DPYS: variants seen among roughly 807,000 people sequenced by gnomAD.
DPYS encodes dihydropyrimidinase.
Under a neutral mutation model 50.3 loss-of-function variants are expected in DPYS, and 39 were observed. That is an observed-to-expected ratio of 0.78 (90% CI 0.60 to 1.01). The LOEUF (loss-of-function observed/expected upper bound fraction) is 1.01. Ranked by LOEUF, DPYS falls within the 50% of genes least tolerant of loss-of-function variation. The pLI, the probability that DPYS is intolerant of heterozygous loss-of-function variation, is 0.00. For missense variants in DPYS, 659 were observed against 680.9 expected (o/e 0.97, Z 0.36); for synonymous variants, 245 against 250.7 (o/e 0.98, Z 0.22).
At chr8:104,420,021 T>G (rs1812492121) in intron 7 of DPYS, 1 of 149,812 alleles carries the variant, frequency 6.7e-6, no homozygotes, top group Non-Finnish European at 1.5e-5. Context: ...TCTAAAATAT[T>G]CTAAAATAAA....
intron 8 of DPYS, among the ~76,000 whole-genome samples, chr8:104,384,987 C>T (rs1811166958): frequency 6.6e-6 from 1 of 152,164 alleles, no homozygotes. Flanking sequence ...CTATCTTAAG[C>T]CCCCTTTCTT....
chr8:104,397,681 C>G (rs1259078687), intron 7 of DPYS, among the ~76,000 whole-genome samples: 1 of 151,968 alleles, frequency 6.6e-6, no homozygotes, highest in Non-Finnish European at 1.5e-5. Context: ...TTAATATTAC[C>G]AACTGTAATA....
chr8:104,398,734 T>C (rs1162494836), intron 7 of DPYS, among the ~76,000 whole-genome samples: 4 of 152,188 alleles, frequency 2.6e-5, no homozygotes, highest in African/African-American at 9.6e-5. Flanking sequence ...GCACAGTATC[T>C]TAACACCCAT....
chr8:104,422,159 G>C (rs1812571057), intron 7 of DPYS, among the ~76,000 whole-genome samples: 2 of 152,272 alleles, frequency 1.3e-5, no homozygotes, highest in South Asian at 4.1e-4. Flanking sequence ...GGATTCAAAA[G>C]AAGAAGCACA....
intron 8 of DPYS, among the ~76,000 whole-genome samples, chr8:104,389,412 C>A (rs1811316585): frequency 6.6e-6 from 1 of 152,190 alleles, no homozygotes; most frequent in Non-Finnish European, 1.5e-5. Context: ...CCATAGGGAA[C>A]CATCTCCAGA....
rs369027766 is a variant in DPYS, at chr8:104,447,401, A to G, written c.526T>C (p.Tyr176His). ...TCCTTGCACCGAGAGAAGGCTTCGT[A>G]CAGCTCCAGGTCTGTCACCATGTAC... Reference protein sequence around the residue: ...DLYMVTDLELYEAFSRCKEIG... With the variant: ...DLYMVTDLELHEAFSRCKEIG... The change falls in exon 3 of 10, where the codon TAC becomes CAC. Residue 176 changes from tyrosine (Y) to histidine (H), a missense_variant. By Grantham distance (83) the Tyr-to-His change is moderately conservative (BLOSUM62 2). Coordinates refer to ENST00000351513, the MANE Select transcript of DPYS (RefSeq NM_001385.3). 1 of 1,614,144 alleles carries G rather than the reference A, an allele frequency of 6.2e-7. No homozygotes were observed. Among genetic ancestry groups the G allele is most frequent in the Non-Finnish European group, 8.5e-7 (1 of 1,180,022 alleles).
At chr8:104,383,705 G>A (rs542073236) in intron 8 of DPYS, among the ~76,000 whole-genome samples, 6 of 151,530 alleles carry the variant, frequency 4.0e-5, no homozygotes, top group African/African-American at 1.5e-4. Context: ...ATGTGCACAC[G>A]ATTCTCATAT....
chr8:104,383,088 A>C (rs1206914929), intron 8 of DPYS, among the ~76,000 whole-genome samples: 2 of 152,166 alleles, frequency 1.3e-5, no homozygotes, highest in Non-Finnish European at 2.9e-5. Flanking sequence ...CTCACTCAGA[A>C]CAGGGCTTGC....
chr8:104,427,282 ATTT>A (rs577311570), intron 6 of DPYS, among the ~76,000 whole-genome samples: 2 of 142,042 alleles, frequency 1.4e-5, no homozygotes, highest in African/African-American at 2.6e-5. Flanking sequence ...CGCTTCGTGT[ATTT>A]TTTTTTTTTT....
intron 4 of DPYS, among the ~76,000 whole-genome samples, chr8:104,440,765 A>G (rs1458226265): frequency 6.6e-6 from 1 of 152,122 alleles, no homozygotes; most frequent in Non-Finnish European, 1.5e-5. Flanking sequence ...TCTCAAAAAA[A>G]AAACATAAAA....
intron 7 of DPYS, among the ~76,000 whole-genome samples, chr8:104,411,155 C>T (rs759082781): frequency 1.3e-5 from 2 of 152,208 alleles, no homozygotes; most frequent in Non-Finnish European, 2.9e-5. Context: ...CAAAATGCAA[C>T]CTCTCTGATG....
Position 104,392,906 on chromosome 8 carries a change from T to A in DPYS, c.1321A>T (p.Ile441Phe). 6.2e-7 allele frequency: 1 copy of A among 1,614,210 alleles called. No homozygotes were observed. Among genetic ancestry groups the A allele is most frequent in the South Asian group, 1.1e-5 (1 of 91,086 alleles). ...TCATATACCACTTTGCCTCTTGAAA[T>A]AGTCACAAGGGGCACCCCGTGGCAA... ...MVCHGVPLVT[I>F]SRGKVVYEAG... Residue 441 changes from isoleucine (I) to phenylalanine (F), a missense_variant, in exon 8 of 10, where the codon ATT (isoleucine) becomes TTT (phenylalanine). Coordinates refer to ENST00000351513, the MANE Select transcript of DPYS (RefSeq NM_001385.3).
chr8:104,447,989 A>C (rs992738671), intron 2 of DPYS, among the ~76,000 whole-genome samples: 2 of 152,132 alleles, frequency 1.3e-5, no homozygotes, highest in African/African-American at 4.8e-5. Context: ...AGAAAGCACA[A>C]ACTCATGGTT....
chr8:104,411,188 A>T (rs527763734), intron 7 of DPYS, among the ~76,000 whole-genome samples: 7 of 152,296 alleles, frequency 4.6e-5, no homozygotes, highest in Admixed American at 1.3e-4. Context: ...CCTTATATTT[A>T]TGTCTCCCTC....
intron 7 of DPYS, chr8:104,424,038 A>G (rs1348725910): frequency 1.0e-6 from 1 of 985,262 alleles, no homozygotes; most frequent in African/African-American, 1.7e-5. Flanking sequence ...CAGAGAATGC[A>G]ACACAACTTC....
intron 6 of DPYS, 136 bp downstream of exon 6, chr8:104,427,844 T>A: frequency 8.0e-7 from 1 of 1,255,056 alleles, no homozygotes; most frequent in East Asian, 2.3e-5. Flanking sequence ...GGTGATAGTA[T>A]TGCATTCCTA....
chr8:104,423,223 G>C (rs1430901188), intron 7 of DPYS, among the ~76,000 whole-genome samples: 2 of 152,084 alleles, frequency 1.3e-5, no homozygotes, highest in Non-Finnish European at 2.9e-5. Flanking sequence ...TTAACTGAAG[G>C]CTGCTTGCTT....
Position 104,392,790 on chromosome 8 carries a change from T to C in DPYS, c.1437A>G (p.Arg479=). 1 of 1,614,160 alleles carries C rather than the reference T, an allele frequency of 6.2e-7. No individual in the cohort carries two copies. The highest frequency in any genetic ancestry group is 8.5e-7 in the Non-Finnish European group (1 of 1,180,004). The stretch of plus-strand genomic sequence containing the variant: ...CCCACTGTGGCACACTCACCCGGTC[T>C]CGCTGCTTTATTCGTTTGTAAATAT... ...AEYIYKRIKQ[R]DRTCTPTPVE... The change falls in exon 8 of 10, where the codon CGA becomes CGG. Residue 479 remains arginine, a synonymous_variant. Coordinates refer to ENST00000351513, the MANE Select transcript of DPYS (RefSeq NM_001385.3).
At chr8:104,453,396 TC>T (rs1164156276) in intron 1 of DPYS, among the ~76,000 whole-genome samples, 3 of 152,342 alleles carry the variant, frequency 2.0e-5, no homozygotes, top group South Asian at 2.1e-4. Context: ...AAAAGTGTCT[TC>T]CCAGTATGAC....
Sources: allele counts gnomAD v4.1 joint callset (sites outside exome capture counted in the v4.1 genomes callset), GRCh38; gene constraint gnomAD v4.1.1; transcripts MANE v1.5; gene names NCBI Gene and HGNC (gene_info 2026-07-23, HGNC 2026-07-21).